Variants in WWOX observed in about 807,000 individuals in gnomAD.
WWOX encodes WW domain containing oxidoreductase, also known as WW domain-containing oxidoreductase.
In WWOX, 69 loss-of-function variants were observed where a neutral mutation model predicts 46.2. That is an observed-to-expected ratio of 1.49 (90% CI 1.23 to 1.82). The LOEUF (loss-of-function observed/expected upper bound fraction) is 1.82. WWOX is among the 40% of genes most tolerant of loss of function. The pLI, the probability that WWOX is intolerant of heterozygous loss-of-function variation, is 0.00. For synonymous variants in WWOX, 359 were observed against 202.6 expected (o/e 1.77, Z -6.56); for missense variants, 919 against 542.6 (o/e 1.69, Z -6.89).
intron 4 of WWOX, among the ~76,000 whole-genome samples, chr16:78,122,363 TGGTGTCAGCATAAC>T (rs2033138330): frequency 6.6e-6 from 1 of 152,152 alleles, no homozygotes; most frequent in African/African-American, 2.4e-5. Context: ...TACTTTTTTA[TGGTGTCAGCATAAC>T]AAATGAGAGT....
intron 8 of WWOX, among the ~76,000 whole-genome samples, chr16:78,611,803 T>G (rs1297603693): frequency 6.6e-6 from 1 of 152,146 alleles, no homozygotes; most frequent in East Asian, 1.9e-4. Flanking sequence ...CGTATTGTTG[T>G]CAAGGAAAGG....
In WWOX at chr16:78,857,896, C is replaced by T. The variant is rs1211149779; in HGVS notation, c.1057-353712C>T. Among the ~76,000 whole-genome samples, 8 of 152,280 alleles carry T rather than the reference C, an allele frequency of 5.3e-5. No homozygotes were observed. The South Asian group carries it at 1.7e-3, about 32-fold the overall frequency. On this transcript the variant is annotated intron_variant, in intron 8 of 8. Transcript: ENST00000566780. Reference sequence around the variant, plus strand: ...TGCCTTTTGATCAAGCAATTCCATTCTGTACCAGAAAATACAGAAATATTT... The same window carrying T: ...TGCCTTTTGATCAAGCAATTCCATTTTGTACCAGAAAATACAGAAATATTT...
At chr16:79,175,863 C>T (rs2050790147) in intron 8 of WWOX, among the ~76,000 whole-genome samples, 1 of 152,192 alleles carries the variant, frequency 6.6e-6, no homozygotes, top group South Asian at 2.1e-4. Context: ...CCTAATTACT[C>T]ATGATTGCAC....
intron 8 of WWOX, among the ~76,000 whole-genome samples, chr16:78,605,945 T>A (rs2045746420): frequency 6.6e-6 from 1 of 152,234 alleles, no homozygotes; most frequent in Admixed American, 6.5e-5. Context: ...GCATTTGTAA[T>A]AGACTCAGCA....
At chr16:78,474,678 A>G (rs2084314068) in intron 8 of WWOX, among the ~76,000 whole-genome samples, 1 of 152,172 alleles carries the variant, frequency 6.6e-6, no homozygotes, top group Non-Finnish European at 1.5e-5. Flanking sequence ...TGCCACAGTC[A>G]GTTTTCTTAC....
chr16:78,879,927 T>C (rs1341944082), intron 8 of WWOX, among the ~76,000 whole-genome samples: 1 of 152,084 alleles, frequency 6.6e-6, no homozygotes, highest in South Asian at 2.1e-4. Context: ...CTGGAATCTC[T>C]AGGGTCTCTG....
intron 8 of WWOX, among the ~76,000 whole-genome samples, chr16:78,752,580 C>G (rs1317471494): frequency 6.6e-6 from 1 of 152,156 alleles, no homozygotes; most frequent in Non-Finnish European, 1.5e-5. Flanking sequence ...CAAGAATATT[C>G]TTTCTAATAT....
intron 8 of WWOX, among the ~76,000 whole-genome samples, chr16:78,673,776 A>C (rs963995387): frequency 6.6e-6 from 1 of 152,212 alleles, no homozygotes; most frequent in African/African-American, 2.4e-5. Flanking sequence ...ATTTCAATAC[A>C]ACCCTTTCTT....
intron 8 of WWOX, among the ~76,000 whole-genome samples, chr16:78,930,359 C>T (rs1350454573): frequency 6.6e-6 from 1 of 150,966 alleles, no homozygotes; most frequent in Non-Finnish European, 1.5e-5. Flanking sequence ...CTCACTGCAG[C>T]CTCAACCTCC....
At chr16:78,982,378 C>G (rs996684247) in intron 8 of WWOX, among the ~76,000 whole-genome samples, 109 of 152,312 alleles carry the variant, frequency 7.2e-4, no homozygotes, top group African/African-American at 2.6e-3. Flanking sequence ...GTACAGCGTG[C>G]CATTGCCAGA....
intron 6 of WWOX, among the ~76,000 whole-genome samples, chr16:78,411,408 C>T (rs1006618728): frequency 6.6e-6 from 1 of 152,050 alleles, no homozygotes; most frequent in African/African-American, 2.4e-5. Context: ...AATATTTGAG[C>T]AAAACCTTGA....
intron 8 of WWOX, among the ~76,000 whole-genome samples, chr16:79,135,578 G>A (rs1056023359): frequency 1.3e-5 from 2 of 151,964 alleles, no homozygotes; most frequent in African/African-American, 4.8e-5. Flanking sequence ...ACATCAATAG[G>A]TAGAGTATAT....
intron 6 of WWOX, among the ~76,000 whole-genome samples, chr16:78,422,760 CATATATATACACACAT>C (rs1185420761): frequency 1.3e-4 from 15 of 113,930 alleles, no homozygotes; most frequent in East Asian, 4.7e-4. Context: ...CATATATACA[CATATATATACACACAT>C]ATATATATAC....
chr16:78,927,337 A>G (rs1464932684), intron 8 of WWOX, among the ~76,000 whole-genome samples: 1 of 152,180 alleles, frequency 6.6e-6, no homozygotes, highest in Non-Finnish European at 1.5e-5. Context: ...ACCTTAGGCA[A>G]GTCATTTAAT....
chr16:79,009,935 T>G (rs1044751418), intron 8 of WWOX, among the ~76,000 whole-genome samples: 1 of 152,200 alleles, frequency 6.6e-6, no homozygotes, highest in Non-Finnish European at 1.5e-5. Context: ...TGATAATTTG[T>G]CTATTAACGT....
intron 8 of WWOX, among the ~76,000 whole-genome samples, chr16:78,536,192 G>A (rs973329465): frequency 3.3e-5 from 5 of 151,936 alleles, no homozygotes; most frequent in Non-Finnish European, 7.4e-5. Context: ...CACATGCATG[G>A]GTGTAATTTG....
At chr16:79,130,924 C>A (rs1260769573) in intron 8 of WWOX, among the ~76,000 whole-genome samples, 1 of 152,182 alleles carries the variant, frequency 6.6e-6, no homozygotes, top group Non-Finnish European at 1.5e-5. Flanking sequence ...TGCATGCCAA[C>A]CGAAGAGACC....
At chr16:78,932,756 A>C (rs997405433) in intron 8 of WWOX, among the ~76,000 whole-genome samples, 7 of 152,162 alleles carry the variant, frequency 4.6e-5, no homozygotes, top group Non-Finnish European at 1.0e-4. Context: ...AGTGGTAGGG[A>C]GGGACCTTCC....
chr16:79,014,893 A>C (rs557016755), intron 8 of WWOX, among the ~76,000 whole-genome samples: 2 of 152,176 alleles, frequency 1.3e-5, no homozygotes, highest in Non-Finnish European at 2.9e-5. Context: ...TTCAATGAGC[A>C]TTTATTTACT....
Sources: gnomAD v4.1 joint callset for allele counts (sites outside exome capture counted in the v4.1 genomes callset) on GRCh38, gnomAD v4.1.1 for gene constraint, MANE v1.5 for transcripts, NCBI Gene and HGNC (gene_info 2026-07-23, HGNC 2026-07-21) for gene names.